Variants in ZNF385D observed in about 807,000 individuals in gnomAD.
ZNF385D encodes zinc finger protein 385D, also known as zinc finger protein 659.
A neutral mutation model predicts 35.8 loss-of-function variants in ZNF385D; 15 were observed. That is an observed-to-expected ratio of 0.42 (90% CI 0.28 to 0.64). ZNF385D has a LOEUF of 0.64. ZNF385D is among the 30% of genes least tolerant of loss of function. The probability of loss-of-function intolerance (pLI) is 0.23; values close to 1 mark genes in which losing one functional copy is unlikely to be tolerated. For missense variants in ZNF385D, 474 were observed against 494.6 expected (o/e 0.96, Z 0.39); for synonymous variants, 212 against 186.8 (o/e 1.13, Z -1.10).
chr3:21,904,042 C>T (rs891236743), intron 3 of ZNF385D, among the ~76,000 whole-genome samples: 4 of 152,108 alleles, frequency 2.6e-5, no homozygotes, highest in African/African-American at 4.8e-5. Flanking sequence ...TGGTGGCTCA[C>T]GCCTGTAATC....
At chr3:22,065,749 G>A (rs149059266) in intron 3 of ZNF385D, among the ~76,000 whole-genome samples, 25 of 152,216 alleles carry the variant, frequency 1.6e-4, no homozygotes, top group Admixed American at 5.9e-4. Flanking sequence ...AAAAAAACCA[G>A]CACATAAATG....
At chr3:22,247,827 T>A (rs78758441) in intron 2 of ZNF385D, among the ~76,000 whole-genome samples, 9,841 of 151,754 alleles carry the variant, frequency 0.065, 841 homozygotes, top group African/African-American at 0.2. Flanking sequence ...ATGGTGTTCA[T>A]CTCCTGAGCT....
intron 2 of ZNF385D, among the ~76,000 whole-genome samples, chr3:21,663,690 A>G (rs1031000905): frequency 1.3e-4 from 19 of 151,562 alleles, no homozygotes; most frequent in Non-Finnish European, 2.7e-4. Flanking sequence ...TGAGATATCA[A>G]TTTCAAAACG....
At chr3:21,573,578 T>G (rs963256613) in intron 2 of ZNF385D, among the ~76,000 whole-genome samples, 2 of 151,984 alleles carry the variant, frequency 1.3e-5, no homozygotes, top group Non-Finnish European at 2.9e-5. Context: ...CAACAAATGG[T>G]CAAAAAGCTA....
chr3:21,784,444 A>G (rs1181136756), intron 3 of ZNF385D, among the ~76,000 whole-genome samples: 1 of 152,140 alleles, frequency 6.6e-6, no homozygotes, highest in East Asian at 1.9e-4. Flanking sequence ...TAGATTTCAG[A>G]TAAATGGAAG....
intron 4 of ZNF385D, among the ~76,000 whole-genome samples, chr3:21,492,495 A>AG (rs894412282): frequency 6.6e-6 from 1 of 151,898 alleles, no homozygotes; most frequent in Non-Finnish European, 1.5e-5. Flanking sequence ...CTAAAAAAAA[A>AG]AAAATGGCCG....
chr3:21,560,401 A>C (rs2062898774), intron 3 of ZNF385D, among the ~76,000 whole-genome samples: 1 of 152,074 alleles, frequency 6.6e-6, no homozygotes, highest in South Asian at 2.1e-4. Flanking sequence ...TTTTTCTTCT[A>C]ATAGGCCCCT....
intron 2 of ZNF385D, among the ~76,000 whole-genome samples, chr3:22,245,908 A>T (rs1007388382): frequency 2.0e-5 from 3 of 152,098 alleles, no homozygotes; most frequent in Non-Finnish European, 4.4e-5. Context: ...ATTTCCAGGA[A>T]AATCTGCAAA....
chr3:21,670,569 C>G (rs1216790379), intron 1 of ZNF385D, among the ~76,000 whole-genome samples: 2 of 142,694 alleles, frequency 1.4e-5, no homozygotes, highest in Non-Finnish European at 3.0e-5. Context: ...GGCATAAAAA[C>G]TTTAGATCTG....
In ZNF385D at chr3:21,770,188, A is replaced by G. The variant is rs529975028; in HGVS notation, c.326-105160T>C. Among the ~76,000 whole-genome samples the G allele has an allele frequency of 4.6e-5, 7 of 152,324 alleles. No individual in the cohort carries two copies. In the South Asian group the frequency reaches 1.4e-3, roughly 32 times the overall value. On this transcript the variant is annotated intron_variant, in intron 3 of 5. Transcript: ENST00000494108. ...GGACATAGGCATGCGCAAGGACTTC[A>G]TGTCTAAAACACCAAAAGCAATGGC... is the stretch of plus-strand genomic sequence containing the variant.
rs376416273 is a variant in ZNF385D at position 21,415,391 on chromosome 3, A to G, written c.*5823T>C. The G allele has an allele frequency of 4.6e-5, 7 of 152,266 alleles. No individual in the cohort carries two copies. The highest frequency in any genetic ancestry group is 3.9e-4 in the East Asian group (2 of 5,176). 9.4% of individuals were successfully genotyped at this position (152,266 alleles called of 1,614,324 possible). ...TAGCATAATAGTCTTGCTAGAGTGC[A>G]TAACATCTTAACATTATATCTACTT... On this transcript the variant is annotated 3_prime_UTR_variant, in exon 8 of 8. Coordinates refer to ENST00000281523, the MANE Select transcript of ZNF385D (RefSeq NM_024697.3).
At chr3:21,911,406 C>T (rs988175199) in intron 3 of ZNF385D, among the ~76,000 whole-genome samples, 18 of 151,876 alleles carry the variant, frequency 1.2e-4, no homozygotes, top group Admixed American at 2.0e-4. Flanking sequence ...CAAGGTCATG[C>T]TGGGGAGAGG....
At chr3:22,180,911 G>GTTTTTTTTTTTTTTTTTTTTTTTT (rs1695207512) in intron 2 of ZNF385D, among the ~76,000 whole-genome samples, 1 of 60,746 alleles carries the variant, frequency 1.6e-5, no homozygotes, top group African/African-American at 1.5e-4. Flanking sequence ...ATATGCTTTT[G>GTTTTTTTTTTTTTTTTTTTTTTTT]TTCTTTTTTT....
chr3:21,519,553 A>G (rs1328465282), intron 3 of ZNF385D, among the ~76,000 whole-genome samples: 2 of 152,176 alleles, frequency 1.3e-5, no homozygotes, highest in Non-Finnish European at 2.9e-5. Context: ...CTTGAACTCT[A>G]AAGGAGAAGT....
chr3:21,446,559 T>G (rs367550), intron 4 of ZNF385D, among the ~76,000 whole-genome samples: 93,914 of 145,170 alleles, frequency 0.65, 30,543 homozygotes, highest in African/African-American at 0.72. Flanking sequence ...GGTGGCACCA[T>G]CTCAGCTCAC....
chr3:21,682,928 C>T (rs113669703), intron 1 of ZNF385D, among the ~76,000 whole-genome samples: 2,288 of 149,860 alleles, frequency 0.015, 173 homozygotes, highest in African/African-American at 0.051. Flanking sequence ...TTCTCTGGCA[C>T]CAGCTGTTGT....
chr3:22,371,217 GA>G (rs1409299489), intron 2 of ZNF385D, among the ~76,000 whole-genome samples: 1 of 152,174 alleles, frequency 6.6e-6, no homozygotes, highest in East Asian at 1.9e-4. Context: ...CCAGAGGGAG[GA>G]AGACCTTTCC....
At chr3:22,040,851 A>T (rs1408936337) in intron 3 of ZNF385D, among the ~76,000 whole-genome samples, 3 of 152,164 alleles carry the variant, frequency 2.0e-5, no homozygotes, top group Non-Finnish European at 4.4e-5. Flanking sequence ...ATATCATGCT[A>T]TGTTTGCAAT....
chr3:22,077,476 T>C (rs1389747951), intron 3 of ZNF385D, among the ~76,000 whole-genome samples: 1 of 152,014 alleles, frequency 6.6e-6, no homozygotes, highest in Non-Finnish European at 1.5e-5. Context: ...CAGGCACAAC[T>C]AAAATAGGCA....
Sources: gnomAD v4.1 joint callset for allele counts (sites outside exome capture counted in the v4.1 genomes callset) on GRCh38, gnomAD v4.1.1 for gene constraint, MANE v1.5 for transcripts, NCBI Gene and HGNC (gene_info 2026-07-23, HGNC 2026-07-21) for gene names.